PDE10A: variants seen among roughly 807,000 people sequenced by gnomAD.
PDE10A encodes the protein cAMP and cAMP-inhibited cGMP 3',5'-cyclic phosphodiesterase 10A.
Under a neutral mutation model 97.7 loss-of-function variants are expected in PDE10A, and 39 were observed. That is an observed-to-expected ratio of 0.40 (90% CI 0.31 to 0.52). The LOEUF (loss-of-function observed/expected upper bound fraction) is 0.52, where lower values mean the gene tolerates loss of function less well. Ranked by LOEUF, PDE10A falls within the 20% of genes least tolerant of loss-of-function variation. The pLI, the probability that PDE10A is intolerant of heterozygous loss-of-function variation, is 0.56. For synonymous variants in PDE10A, 371 were observed against 376.8 expected (o/e 0.98, Z 0.18); for missense variants, 731 against 1,047.8 (o/e 0.70, Z 4.17).
intron 1 of PDE10A, among the ~76,000 whole-genome samples, chr6:165,746,411 C>G (rs1792844609): frequency 6.6e-6 from 1 of 152,218 alleles, no homozygotes; most frequent in South Asian, 2.1e-4. Context: ...ACAAGCTGGT[C>G]AAAGTCTCTG....
At chr6:165,891,440 C>A (rs1282972134) in intron 1 of PDE10A, among the ~76,000 whole-genome samples, 1 of 152,126 alleles carries the variant, frequency 6.6e-6, no homozygotes, top group African/African-American at 2.4e-5. Flanking sequence ...AGAGTCAGAT[C>A]TCCCAGCCTC....
intron 3 of PDE10A, among the ~76,000 whole-genome samples, chr6:165,472,761 G>C (rs1338359045): frequency 1.3e-5 from 2 of 151,986 alleles, no homozygotes; most frequent in Admixed American, 1.3e-4. Context: ...TCTGGTAAAA[G>C]GAAATACAAT....
intron 1 of PDE10A, among the ~76,000 whole-genome samples, chr6:165,674,281 G>C (rs1213824310): frequency 6.6e-6 from 1 of 151,896 alleles, no homozygotes; most frequent in African/African-American, 2.4e-5. Context: ...TATGTGTATG[G>C]AAATGCCTCC....
At position 165,743,829 on chromosome 6, in the gene PDE10A, G is replaced by A. The variant is rs184463606; in HGVS notation, c.-614-200261C>T. Reference sequence around the variant, plus strand: ...AATGTTAGTAAGTGGTACTATCTTCGTTTTGTAGATTAAAAGACAGAGACT... The same window carrying A: ...AATGTTAGTAAGTGGTACTATCTTCATTTTGTAGATTAAAAGACAGAGACT... On this transcript the variant is annotated intron_variant, in intron 1 of 19. Coordinates refer to the PDE10A transcript ENST00000366882. 1.8e-3 allele frequency among the ~76,000 whole-genome samples: 278 copies of A among 152,270 alleles called. 2 individuals are homozygous for A. Among genetic ancestry groups the A allele is most frequent in the African/African-American group, 6.2e-3 (256 of 41,530 alleles).
intron 3 of PDE10A, among the ~76,000 whole-genome samples, chr6:165,465,329 A>C (rs1778575689): frequency 1.3e-5 from 2 of 152,166 alleles, no homozygotes; most frequent in African/African-American, 4.8e-5. Flanking sequence ...TGCTTACTTT[A>C]AAAAATTTTA....
At chr6:165,421,802 C>CTGTA (rs1169578775) in intron 10 of PDE10A, among the ~76,000 whole-genome samples, 2 of 152,212 alleles carry the variant, frequency 1.3e-5, no homozygotes, top group African/African-American at 4.8e-5. Flanking sequence ...GGGGCTCACG[C>CTGTA]TGTACTTCCA....
At chr6:165,462,663 A>C (rs943294119) in intron 3 of PDE10A, among the ~76,000 whole-genome samples, 1 of 152,170 alleles carries the variant, frequency 6.6e-6, no homozygotes, top group Non-Finnish European at 1.5e-5. Context: ...AGCCACCCAC[A>C]TGGGGACAGA....
chr6:165,753,427 C>G (rs1426712280), intron 1 of PDE10A, among the ~76,000 whole-genome samples: 1 of 152,208 alleles, frequency 6.6e-6, no homozygotes, highest in South Asian at 2.1e-4. Flanking sequence ...GAGGGCCAGA[C>G]AAGGGGGCAG....
intron 1 of PDE10A, among the ~76,000 whole-genome samples, chr6:165,599,921 T>C (rs1583620920): frequency 6.6e-6 from 1 of 152,104 alleles, no homozygotes; most frequent in Non-Finnish European, 1.5e-5. Flanking sequence ...GAGGCAAAGG[T>C]GACACACTGA....
chr6:165,692,387 A>G (rs567950371), intron 1 of PDE10A, among the ~76,000 whole-genome samples: 1 of 152,348 alleles, frequency 6.6e-6, no homozygotes, highest in South Asian at 2.1e-4. Context: ...CGTCTTCAGC[A>G]TCACACATTG....
intron 1 of PDE10A, among the ~76,000 whole-genome samples, chr6:165,730,736 G>GTGAGACTCCGTCTC (rs1792411613): frequency 7.6e-6 from 1 of 132,382 alleles, no homozygotes; most frequent in African/African-American, 3.1e-5. Flanking sequence ...CTGGGCGACA[G>GTGAGACTCCGTCTC]AGTGAGATTC....
chr6:165,599,596 T>C (rs568778705), intron 1 of PDE10A, among the ~76,000 whole-genome samples: 5 of 152,324 alleles, frequency 3.3e-5, no homozygotes, highest in Admixed American at 1.3e-4. Flanking sequence ...TCATAAAACT[T>C]CTTAGACAGC....
chr6:165,803,133 A>G (rs1247238778), intron 1 of PDE10A, among the ~76,000 whole-genome samples: 1 of 152,226 alleles, frequency 6.6e-6, no homozygotes, highest in Non-Finnish European at 1.5e-5. Flanking sequence ...ATGCTTGGTA[A>G]CACCAAGGGG....
rs114443441 is a variant in PDE10A at position 165,499,873 on chromosome 6, T to C, written c.995-17530A>G. ...ACAGTGATCCCAGTGATTAAACACA[T>C]AGGGAAAAAAAGTCAATGTTCATTC... On this transcript the variant is annotated intron_variant, in intron 2 of 21. Coordinates refer to ENST00000539869, the MANE Select transcript of PDE10A (RefSeq NM_001385079.1). Among the ~76,000 whole-genome samples the C allele has an allele frequency of 4.3e-3, 660 of 152,084 alleles. 4 individuals are homozygous for C. Among genetic ancestry groups the C allele is most frequent in the African/African-American group, 0.015 (622 of 41,504 alleles).
At chr6:165,753,967 A>T (rs1793061950) in intron 1 of PDE10A, among the ~76,000 whole-genome samples, 2 of 152,158 alleles carry the variant, frequency 1.3e-5, no homozygotes, top group African/African-American at 4.8e-5. Context: ...ACATGTAGGC[A>T]AGGTATTCAT....
chr6:165,455,541 AT>A (rs1227893887), intron 3 of PDE10A, among the ~76,000 whole-genome samples: 1 of 152,220 alleles, frequency 6.6e-6, no homozygotes, highest in Non-Finnish European at 1.5e-5. Flanking sequence ...CTGCCAAGCA[AT>A]TCTTAGGCTG....
intron 1 of PDE10A, among the ~76,000 whole-genome samples, chr6:165,766,891 A>G (rs759060194): frequency 6.6e-6 from 1 of 152,260 alleles, no homozygotes; most frequent in Admixed American, 6.5e-5. Flanking sequence ...GAGCTTTTTC[A>G]TATCAATAGC....
chr6:165,375,586 T>C (rs1214728737), intron 18 of PDE10A, among the ~76,000 whole-genome samples: 1 of 152,194 alleles, frequency 6.6e-6, no homozygotes, highest in Non-Finnish European at 1.5e-5. Flanking sequence ...CTAACTAAGA[T>C]AACGGATGAA....
At chr6:165,792,064 C>T (rs1778670514) in intron 1 of PDE10A, among the ~76,000 whole-genome samples, 1 of 152,214 alleles carries the variant, frequency 6.6e-6, no homozygotes, top group Non-Finnish European at 1.5e-5. Flanking sequence ...CCGGTCATGG[C>T]TCCTGCCCGA....
Sources: gnomAD v4.1 joint callset for allele counts (sites outside exome capture counted in the v4.1 genomes callset) on GRCh38, gnomAD v4.1.1 for gene constraint, MANE v1.5 for transcripts, NCBI Gene and HGNC (gene_info 2026-07-23, HGNC 2026-07-21) for gene names.